Variants in NLGN1 observed in about 807,000 individuals in gnomAD.
The protein encoded by NLGN1 is neuroligin-1.
In NLGN1, 12 loss-of-function variants were observed where a neutral mutation model predicts 65.5. That is an observed-to-expected ratio of 0.18 (90% CI 0.12 to 0.30). The LOEUF is 0.30. Among genes scored for constraint, NLGN1 ranks in the 10% least tolerant of loss-of-function variants. The pLI is 1.00. For missense variants in NLGN1, 750 were observed against 1,007.1 expected, an observed-to-expected ratio of 0.74 and a Z score of 3.46; for synonymous variants, 350 against 359.5, an observed-to-expected ratio of 0.97 and a Z score of 0.30.
At chr3:173,496,022 A>G (rs775397142) in intron 2 of NLGN1, among the ~76,000 whole-genome samples, 2 of 151,092 alleles carry the variant, frequency 1.3e-5, no homozygotes, top group Non-Finnish European at 2.9e-5. Flanking sequence ...TTATATTGCT[A>G]ATTTCTCTAT....
intron 2 of NLGN1, among the ~76,000 whole-genome samples, chr3:173,559,746 A>G (rs1188359806): frequency 2.0e-5 from 3 of 152,162 alleles, no homozygotes; most frequent in South Asian, 2.1e-4. Context: ...TTATCTTAAT[A>G]TATGTTTTAT....
intron 4 of NLGN1, among the ~76,000 whole-genome samples, chr3:173,868,110 C>T (rs749721277): frequency 1.3e-5 from 2 of 152,136 alleles, no homozygotes; most frequent in Non-Finnish European, 2.9e-5. Flanking sequence ...CTATGGCTTT[C>T]ATTCACATGA....
chr3:174,006,687 T>C (rs930540067), intron 4 of NLGN1, among the ~76,000 whole-genome samples: 2 of 152,132 alleles, frequency 1.3e-5, no homozygotes, highest in African/African-American at 4.8e-5. Flanking sequence ...CAGAATGTAT[T>C]TGGAGAGAGG....
At position 173,800,316 on chromosome 3, in the gene NLGN1, G is replaced by C. The variant is rs551638926; in HGVS notation, c.494-7364G>C. The C allele has an allele frequency of 5.8e-6, 7 of 1,214,384 alleles. No individual in the cohort carries two copies. In the East Asian group the frequency reaches 4.2e-4, roughly 73 times the overall value. The allele number at this position is 1,214,384 out of a possible 1,614,324, so 75.2% of individuals were successfully genotyped here. On this transcript the variant is annotated intron_variant, in intron 3 of 6. Coordinates refer to ENST00000457714, the Ensembl canonical transcript of NLGN1. ...AGGTCCCCTTACAAAGAAACAGACAGATGATTTAGGTGATAATGACGGTGC... is the reference window on the plus strand; with the variant it reads ...AGGTCCCCTTACAAAGAAACAGACACATGATTTAGGTGATAATGACGGTGC...
intron 1 of NLGN1, among the ~76,000 whole-genome samples, chr3:173,409,067 G>A (rs186196838): frequency 2.0e-4 from 31 of 152,194 alleles, no homozygotes; most frequent in African/African-American, 7.5e-4. Flanking sequence ...ACAGCCTCTC[G>A]TGGGACACTC....
At chr3:173,919,428 T>G (rs1741479688) in intron 4 of NLGN1, among the ~76,000 whole-genome samples, 2 of 152,214 alleles carry the variant, frequency 1.3e-5, no homozygotes, top group African/African-American at 4.8e-5. Context: ...CCATGTGAGA[T>G]AATTTACACA....
chr3:174,068,709 G>C (rs887051131), intron 4 of NLGN1, among the ~76,000 whole-genome samples: 1 of 152,064 alleles, frequency 6.6e-6, no homozygotes, highest in African/African-American at 2.4e-5. Flanking sequence ...AGTTATATTT[G>C]ATATAAAAAT....
intron 2 of NLGN1, among the ~76,000 whole-genome samples, chr3:173,563,350 A>G (rs188420039): frequency 6.6e-6 from 1 of 152,362 alleles, no homozygotes; most frequent in East Asian, 1.9e-4. Context: ...GAGATGCCCC[A>G]TCCTCACCTG....
At chr3:173,822,767 A>C (rs1400981857) in intron 4 of NLGN1, among the ~76,000 whole-genome samples, 1 of 152,146 alleles carries the variant, frequency 6.6e-6, no homozygotes, top group African/African-American at 2.4e-5. Flanking sequence ...GCTATCTTTA[A>C]GAAGGAGAGA....
At chr3:173,705,281 G>C (rs1320510565) in intron 3 of NLGN1, among the ~76,000 whole-genome samples, 2 of 151,904 alleles carry the variant, frequency 1.3e-5, no homozygotes, top group African/African-American at 4.8e-5. Flanking sequence ...TTTACTTATG[G>C]GTAGTACATC....
At chr3:173,966,898 T>C (rs937357031) in intron 4 of NLGN1, among the ~76,000 whole-genome samples, 1 of 152,196 alleles carries the variant, frequency 6.6e-6, no homozygotes, top group African/African-American at 2.4e-5. Context: ...TTAGGTTTAT[T>C]CAAAGAGAAA....
At chr3:174,282,611 A>G (rs1751674250) in exon 7 of NLGN1, 1 of 152,114 alleles carries the variant, frequency 6.6e-6, no homozygotes, top group African/African-American at 2.4e-5. Flanking sequence ...TTAAACGAAT[A>G]TTCTCAGACC....
chr3:173,693,128 G>GA (rs1287677700), intron 3 of NLGN1, among the ~76,000 whole-genome samples: 1 of 152,080 alleles, frequency 6.6e-6, no homozygotes, highest in Non-Finnish European at 1.5e-5. Context: ...TAATTTTGTG[G>GA]AAAAATAACA....
At chr3:173,564,891 A>T (rs931914360) in intron 2 of NLGN1, among the ~76,000 whole-genome samples, 1 of 152,196 alleles carries the variant, frequency 6.6e-6, no homozygotes, top group African/African-American at 2.4e-5. Flanking sequence ...AGGAAAATGT[A>T]TTATTTCATT....
At chr3:174,211,074 C>T (rs574686864) in intron 4 of NLGN1, among the ~76,000 whole-genome samples, 3 of 152,210 alleles carry the variant, frequency 2.0e-5, no homozygotes, top group Admixed American at 6.5e-5. Flanking sequence ...CTGGTGGGTT[C>T]GTGGTCTCGC....
chr3:173,414,041 C>T (rs1713162911), intron 1 of NLGN1, among the ~76,000 whole-genome samples: 1 of 152,114 alleles, frequency 6.6e-6, no homozygotes, highest in Non-Finnish European at 1.5e-5. Context: ...CGGGAAGGTA[C>T]CCCAAAGTGC....
Position 174,178,635 on chromosome 3 carries a change from G to A in NLGN1, c.647-96680G>A, listed in dbSNP as rs539615009. 3.3e-5 allele frequency among the ~76,000 whole-genome samples: 5 copies of A among 152,182 alleles called. No individual in the cohort carries two copies. In the South Asian group the frequency reaches 6.2e-4, roughly 19 times the overall value. ...TCAGACTAATAATGCAGGGAATATG[G>A]TGGACACAGGAGTACCTTCAGAAAA... On this transcript the variant is annotated intron_variant, in intron 4 of 6. Coordinates refer to ENST00000457714, the Ensembl canonical transcript of NLGN1.
chr3:173,861,943 A>G (rs1189769950), intron 4 of NLGN1, among the ~76,000 whole-genome samples: 2 of 151,328 alleles, frequency 1.3e-5, no homozygotes, highest in Non-Finnish European at 2.9e-5. Context: ...GTGTGTGTGT[A>G]TTTTTAGTAG....
chr3:173,670,067 A>C (rs1425150261), intron 3 of NLGN1, among the ~76,000 whole-genome samples: 1 of 152,176 alleles, frequency 6.6e-6, no homozygotes, highest in Admixed American at 6.5e-5. Flanking sequence ...AATTATCTTT[A>C]AGCTGATTTT....
Sources: gnomAD v4.1 joint callset for allele counts (sites outside exome capture counted in the v4.1 genomes callset) on GRCh38, gnomAD v4.1.1 for gene constraint, MANE v1.5 for transcripts, NCBI Gene and HGNC (gene_info 2026-07-23, HGNC 2026-07-21) for gene names.